WDR89: variants seen among roughly 807,000 people sequenced by gnomAD.
The protein encoded by WDR89 is WD repeat domain 89.
WDR89 carries 17 observed loss-of-function variants against 29.1 expected under a neutral mutation model. That is an observed-to-expected ratio of 0.58 (90% confidence interval 0.40 to 0.88). WDR89 has a LOEUF of 0.88. Ranked by LOEUF, WDR89 falls within the 40% of genes least tolerant of loss-of-function variation. The pLI, the probability that WDR89 is intolerant of heterozygous loss-of-function variation, is 0.00. For missense variants in WDR89, 396 were observed against 456.3 expected (o/e 0.87, Z 1.20); for synonymous variants, 138 against 157.8 (o/e 0.87, Z 0.94).
chr14:63,636,445 C>A (rs1883743819), intron 1 of WDR89, among the ~76,000 whole-genome samples: 1 of 152,106 alleles, frequency 6.6e-6, no homozygotes, highest in African/African-American at 2.4e-5. Context: ...CAAAAAGGAG[C>A]CCGCATAGCC....
intron 2 of WDR89, chr14:63,601,610 A>G: frequency 1.2e-6 from 2 of 1,613,354 alleles, no homozygotes; most frequent in Non-Finnish European, 1.7e-6. Flanking sequence ...TGCTTCCAGA[A>G]AAATCTCAAG....
intron 2 of WDR89, among the ~76,000 whole-genome samples, chr14:63,604,126 TA>T (rs1395414143): frequency 6.6e-6 from 1 of 152,146 alleles, no homozygotes; most frequent in Non-Finnish European, 1.5e-5. Context: ...TTCACTAATT[TA>T]AAAATTAAAA....
chr14:63,628,580 A>C (rs933364097), intron 1 of WDR89, among the ~76,000 whole-genome samples: 2 of 152,226 alleles, frequency 1.3e-5, no homozygotes, highest in East Asian at 1.9e-4. Context: ...GAGACAACCT[A>C]ATTTAAAAAG....
intron 1 of WDR89, 59 bp from the exon 2 acceptor site, chr14:63,625,092 C>G (rs968634193): frequency 6.6e-6 from 1 of 151,946 alleles, no homozygotes; most frequent in Non-Finnish European, 1.5e-5. Flanking sequence ...AACAAAGACT[C>G]TCCCTCCCCG....
At chr14:63,640,262 G>A (rs1428200331) in intron 1 of WDR89, among the ~76,000 whole-genome samples, 1 of 152,148 alleles carries the variant, frequency 6.6e-6, no homozygotes, top group Non-Finnish European at 1.5e-5. Flanking sequence ...AGCAGAAACA[G>A]TCACGTGGCT....
Position 63,599,008 on chromosome 14 carries a change from T to A in WDR89, c.935A>T (p.His312Leu). 2 of 1,614,220 alleles carry A rather than the reference T, an allele frequency of 1.2e-6. No individual in the cohort carries two copies. Among genetic ancestry groups the A allele is most frequent in the Non-Finnish European group, 1.7e-6 (2 of 1,180,024 alleles). ...LMNCSMSGLT[H>L]VTSLQGGHAA... is the part of the protein sequence containing the mutation. ...ATGCCCTCCCTGAAGGCTAGTCACA[T>A]GGGTCAGTCCTGACATGCTGCAGTT... Residue 312 changes from histidine to leucine, a missense_variant, in exon 3 of 3, where the codon CAT becomes CTT. His to Leu is a moderately conservative substitution (Grantham distance 99). Coordinates refer to ENST00000620954, the MANE Select transcript of WDR89 (RefSeq NM_080666.4).
intron 2 of WDR89, among the ~76,000 whole-genome samples, chr14:63,619,937 G>A (rs890386888): frequency 2.0e-5 from 3 of 150,910 alleles, no homozygotes; most frequent in Admixed American, 6.6e-5. Context: ...CCTGGGAGGC[G>A]GAGCTTGCAG....
At chr14:63,623,812 G>A (rs1218055673) in intron 2 of WDR89, among the ~76,000 whole-genome samples, 2 of 151,706 alleles carry the variant, frequency 1.3e-5, no homozygotes, top group African/African-American at 2.4e-5. Flanking sequence ...GATGGGGGTG[G>A]TGGGGAGAGA....
intron 2 of WDR89, among the ~76,000 whole-genome samples, chr14:63,621,373 G>A (rs1365218637): frequency 6.6e-6 from 1 of 152,082 alleles, no homozygotes; most frequent in Non-Finnish European, 1.5e-5. Flanking sequence ...TGAGGCAGGT[G>A]GATCACCTGA....
intron 2 of WDR89, among the ~76,000 whole-genome samples, chr14:63,614,941 G>C (rs1469176903): frequency 6.6e-6 from 1 of 152,134 alleles, no homozygotes; most frequent in Non-Finnish European, 1.5e-5. Flanking sequence ...AAACGTCCAA[G>C]ATAGTGGTTG....
Position 63,598,485 on chromosome 14 carries a change from T to C in WDR89, c.*294A>G, listed in dbSNP as rs1894888959. The C allele has an allele frequency of 4.7e-6, 1 of 213,604 alleles. No homozygotes were observed. Among genetic ancestry groups the C allele is most frequent in the Non-Finnish European group, 9.1e-6 (1 of 109,652 alleles). The allele number at this position is 213,604 out of a possible 1,614,324, so 13.2% of individuals were successfully genotyped here. Reference sequence around the variant, plus strand: ...TTATTAAGTTTTACCAAGTATTTCCTTCTAAAAAGTCCTTATCGGAGCTAT... The same window carrying C: ...TTATTAAGTTTTACCAAGTATTTCCCTCTAAAAAGTCCTTATCGGAGCTAT... On this transcript the variant is annotated 3_prime_UTR_variant, in exon 3 of 3. Coordinates refer to ENST00000620954, the MANE Select transcript of WDR89 (RefSeq NM_080666.4).
chr14:63,623,821 G>T (rs1482486158), intron 2 of WDR89, among the ~76,000 whole-genome samples: 1 of 151,324 alleles, frequency 6.6e-6, no homozygotes, highest in Non-Finnish European at 1.5e-5. Context: ...GGTGGGGAGA[G>T]AGAAGCAAGA....
Position 63,600,020 on chromosome 14 carries a change from G to A in WDR89, c.-31-47C>T, listed in dbSNP as rs113998120. 1,806 of 1,144,606 alleles carry A rather than the reference G, an allele frequency of 1.6e-3. 19 individuals are homozygous for A. In the African/African-American group the frequency reaches 0.026, roughly 17 times the overall value. The allele number at this position is 1,144,606 out of a possible 1,614,324, so 70.9% of individuals were successfully genotyped here. A position where few individuals can be genotyped will look rare whatever the true frequency, so the allele number is the denominator to read the frequency against. Reference sequence around the variant, plus strand: ...AAAATAAAAATTAATGCTTAACAAGGGAGACACATAAAAAAATTTAACTTG... The same window carrying A: ...AAAATAAAAATTAATGCTTAACAAGAGAGACACATAAAAAAATTTAACTTG... On this transcript the variant is annotated intron_variant, in intron 2 of 2. Transcript: ENST00000620954.
At chr14:63,604,766 T>G (rs1895229620) in intron 2 of WDR89, among the ~76,000 whole-genome samples, 1 of 152,186 alleles carries the variant, frequency 6.6e-6, no homozygotes, top group African/African-American at 2.4e-5. Flanking sequence ...CATTAATGCC[T>G]AACTGATTCA....
At chr14:63,601,457 A>T in intron 2 of WDR89, 1 of 1,076,236 alleles carries the variant, frequency 9.3e-7, no homozygotes, top group Non-Finnish European at 1.4e-6. Context: ...TAGTAACACT[A>T]TAATAAATTC....
At chr14:63,631,296 G>A (rs542931730) in intron 1 of WDR89, among the ~76,000 whole-genome samples, 6 of 152,268 alleles carry the variant, frequency 3.9e-5, no homozygotes, top group South Asian at 2.1e-4. Context: ...GAAAAAAGGC[G>A]AATTTGAGAA....
intron 2 of WDR89, among the ~76,000 whole-genome samples, chr14:63,607,765 C>T (rs1289137086): frequency 2.6e-5 from 4 of 151,412 alleles, no homozygotes; most frequent in African/African-American, 9.7e-5. Context: ...CCAGTAATCC[C>T]AGCTACTTGG....
rs1489628223 is a variant in WDR89, at chr14:63,612,608, C to T, written c.-32+12320G>A. ...CAGGCTAGTCTCAAACTCCTGACCTCAGGTGATCCATCCGCCTCGGCCTCC... is the reference window on the plus strand; with the variant it reads ...CAGGCTAGTCTCAAACTCCTGACCTTAGGTGATCCATCCGCCTCGGCCTCC... On this transcript the variant is annotated intron_variant, in intron 2 of 2. Transcript: ENST00000620954. 2.6e-5 allele frequency among the ~76,000 whole-genome samples: 4 copies of T among 152,108 alleles called. No individual in the cohort carries two copies. The East Asian group carries it at 5.8e-4, about 22-fold the overall frequency.
rs564235054 is a variant in WDR89 at position 63,613,625 on chromosome 14, C to T, written c.-32+11303G>A. ...TTCAAGCAATTCTCTGCCTCAGCCT[C>T]CCGAGTGGCTAGGATTGCAGGTGCC... On this transcript the variant is annotated intron_variant, in intron 2 of 2. Coordinates refer to ENST00000620954, the MANE Select transcript of WDR89 (RefSeq NM_080666.4). Among the ~76,000 whole-genome samples the T allele has an allele frequency of 5.3e-5, 8 of 151,526 alleles. No individual in the cohort carries two copies. The East Asian group carries it at 1.6e-3, about 30-fold the overall frequency.
Sources: gnomAD v4.1 joint callset for allele counts (sites outside exome capture counted in the v4.1 genomes callset) on GRCh38, gnomAD v4.1.1 for gene constraint, MANE v1.5 for transcripts, NCBI Gene and HGNC (gene_info 2026-07-23, HGNC 2026-07-21) for gene names.